The following PCSK2 variants were observed in gnomAD, a reference collection of about 807,000 sequenced individuals.
The protein encoded by PCSK2 is proprotein convertase subtilisin/kexin type 2.
In PCSK2, 14 loss-of-function variants were observed where a neutral mutation model predicts 69.7. The observed-to-expected ratio is 0.20, with a 90% CI of 0.13 to 0.31. The LOEUF (loss-of-function observed/expected upper bound fraction) is 0.31, where lower values mean the gene tolerates loss of function less well. Among genes scored for constraint, PCSK2 ranks in the 10% least tolerant of loss-of-function variants. The probability of loss-of-function intolerance (pLI) is 1.00; values close to 1 mark genes in which losing one functional copy is unlikely to be tolerated. For missense variants in PCSK2, 544 were observed against 842.5 expected, an observed-to-expected ratio of 0.65 and a Z score of 4.39; for synonymous variants, 307 against 320.7, an observed-to-expected ratio of 0.96 and a Z score of 0.46.
intron 5 of PCSK2, among the ~76,000 whole-genome samples, chr20:17,380,518 C>T (rs1165691138): frequency 6.6e-6 from 1 of 152,186 alleles, no homozygotes; most frequent in Non-Finnish European, 1.5e-5. Flanking sequence ...GTTAATCTCT[C>T]TGTGTCTCAA....
chr20:17,286,098 C>G (rs1988502263), intron 2 of PCSK2, among the ~76,000 whole-genome samples: 2 of 152,176 alleles, frequency 1.3e-5, no homozygotes, highest in Non-Finnish European at 2.9e-5. Flanking sequence ...CCAAATAACT[C>G]TGCCTGGAAA....
intron 2 of PCSK2, among the ~76,000 whole-genome samples, chr20:17,349,126 C>A (rs2029897920): frequency 1.3e-5 from 2 of 152,132 alleles, no homozygotes; most frequent in Admixed American, 1.3e-4. Context: ...TAGGGTTTAT[C>A]CTTATTTTAC....
intron 6 of PCSK2, among the ~76,000 whole-genome samples, chr20:17,414,729 C>CA (rs569823199): frequency 6.6e-6 from 1 of 151,952 alleles, no homozygotes; most frequent in Non-Finnish European, 1.5e-5. Context: ...AGAGACACAA[C>CA]AAAAAAAGAG....
chr20:17,350,813 C>T (rs913830775), intron 2 of PCSK2, among the ~76,000 whole-genome samples: 1 of 152,018 alleles, frequency 6.6e-6, no homozygotes, highest in East Asian at 1.9e-4. Flanking sequence ...GAGGCCGAGG[C>T]GGGTGGATCA....
At chr20:17,388,109 A>G (rs926095358) in intron 5 of PCSK2, among the ~76,000 whole-genome samples, 3 of 151,612 alleles carry the variant, frequency 2.0e-5, no homozygotes, top group African/African-American at 7.3e-5. Context: ...GAAGAAGGCC[A>G]GTGTGTGTGT....
chr20:17,383,754 ACT>A (rs2123257821), intron 5 of PCSK2, among the ~76,000 whole-genome samples: 1 of 152,250 alleles, frequency 6.6e-6, no homozygotes, highest in Admixed American at 6.5e-5. Context: ...AAATATGGAC[ACT>A]CTATTCACAA....
At chr20:17,445,661 C>T (rs893605020) in intron 8 of PCSK2, among the ~76,000 whole-genome samples, 3 of 152,248 alleles carry the variant, frequency 2.0e-5, no homozygotes, top group Admixed American at 6.5e-5. Context: ...GAAATTTAAT[C>T]AGAGCCACGG....
At chr20:17,474,591 CCTTAGT>C (rs949253201) in intron 11 of PCSK2, among the ~76,000 whole-genome samples, 3 of 152,172 alleles carry the variant, frequency 2.0e-5, no homozygotes, top group African/African-American at 7.2e-5. Context: ...ATTTTCCCTC[CCTTAGT>C]CTTAGTCGCT....
chr20:17,278,232 A>C (rs1600441278), intron 2 of PCSK2, among the ~76,000 whole-genome samples: 2 of 152,358 alleles, frequency 1.3e-5, no homozygotes, highest in Admixed American at 1.3e-4. Context: ...ATATAACCAA[A>C]GGACTATAAA....
At chr20:17,242,723 AC>A (rs1462392889) in intron 1 of PCSK2, among the ~76,000 whole-genome samples, 1 of 152,192 alleles carries the variant, frequency 6.6e-6, no homozygotes, top group Non-Finnish European at 1.5e-5. Flanking sequence ...TGATGTCCTC[AC>A]TCCACAGGCC....
chr20:17,480,334 C>T (rs1345872283), intron 11 of PCSK2, among the ~76,000 whole-genome samples: 2 of 151,788 alleles, frequency 1.3e-5, no homozygotes, highest in African/African-American at 4.8e-5. Context: ...GGACTACAGG[C>T]GCCCACCACC....
chr20:17,369,112 G>A, intron 4 of PCSK2, 128 bp from the exon 5 acceptor site: 1 of 745,920 alleles, frequency 1.3e-6, no homozygotes, highest in South Asian at 1.5e-5. Context: ...GTGTGATGGG[G>A]CACTCACCCC....
chr20:17,435,798 G>A lies in PCSK2; in HGVS notation c.710-910G>A, dbSNP rs141261920. Among the ~76,000 whole-genome samples the A allele has an allele frequency of 1.7e-4, 26 of 152,304 alleles. No homozygotes were observed. The South Asian group carries it at 1.9e-3, about 11-fold the overall frequency. On this transcript the variant is annotated intron_variant, in intron 7 of 11. Coordinates refer to ENST00000262545, the MANE Select transcript of PCSK2 (RefSeq NM_002594.5). Reference sequence around the variant, plus strand: ...AGCCTGGAGAGAGGCATGTGACCCCGTCAGCGAAGTTTTGAGGGTAGTGAT... The same window carrying A: ...AGCCTGGAGAGAGGCATGTGACCCCATCAGCGAAGTTTTGAGGGTAGTGAT...
chr20:17,464,986 A>C (rs1236982360), intron 10 of PCSK2: 4 of 328,410 alleles, frequency 1.2e-5, no homozygotes, highest in Admixed American at 1.2e-4. Flanking sequence ...AATTACTTGC[A>C]CGCTCATCCA....
intron 10 of PCSK2, among the ~76,000 whole-genome samples, chr20:17,459,264 T>C (rs1372718738): frequency 2.6e-5 from 4 of 152,240 alleles, no homozygotes; most frequent in Non-Finnish European, 5.9e-5. Context: ...GATTCCTCCA[T>C]GTTCCTGTAT....
chr20:17,405,419 G>A (rs1202102697), intron 5 of PCSK2, among the ~76,000 whole-genome samples: 2 of 152,172 alleles, frequency 1.3e-5, no homozygotes, highest in Non-Finnish European at 2.9e-5. Flanking sequence ...GCTTCTCTGT[G>A]GATGTAAAAG....
At chr20:17,232,077 T>C (rs1403710677) in intron 1 of PCSK2, among the ~76,000 whole-genome samples, 1 of 152,204 alleles carries the variant, frequency 6.6e-6, no homozygotes, top group Non-Finnish European at 1.5e-5. Flanking sequence ...TTTAATAACA[T>C]TTGATAAATC....
At chr20:17,388,823 C>A (rs758500783) in intron 5 of PCSK2, among the ~76,000 whole-genome samples, 2 of 152,088 alleles carry the variant, frequency 1.3e-5, no homozygotes, top group Non-Finnish European at 2.9e-5. Context: ...TTTCGCACAT[C>A]ATGGAGAGTT....
chr20:17,247,983 A>G (rs1452389829), intron 1 of PCSK2, among the ~76,000 whole-genome samples: 1 of 152,184 alleles, frequency 6.6e-6, no homozygotes, highest in East Asian at 1.9e-4. Flanking sequence ...GCTGAGATCC[A>G]TACATTTTTG....
Sources: gnomAD v4.1 joint callset for allele counts (sites outside exome capture counted in the v4.1 genomes callset) on GRCh38, gnomAD v4.1.1 for gene constraint, MANE v1.5 for transcripts, NCBI Gene and HGNC (gene_info 2026-07-23, HGNC 2026-07-21) for gene names.